Variants in BCAS4 observed in about 807,000 individuals in gnomAD.
BCAS4 encodes the protein breast carcinoma amplified sequence 4.
In BCAS4, 9 loss-of-function variants were observed where a neutral mutation model predicts 15.7. The observed-to-expected ratio is 0.57, with a 90% confidence interval of 0.34 to 1.00. BCAS4 has a LOEUF of 1.00. Among genes scored for constraint, BCAS4 ranks in the 50% least tolerant of loss-of-function variants. The pLI is 0.02. For missense variants in BCAS4, 225 were observed against 239.1 expected (o/e 0.94, Z 0.39); for synonymous variants, 101 against 99.5 (o/e 1.02, Z -0.09).
intron 4 of BCAS4, among the ~76,000 whole-genome samples, chr20:50,875,030 C>G (rs547157376): frequency 6.6e-6 from 1 of 152,180 alleles, no homozygotes; most frequent in Admixed American, 6.5e-5. Context: ...AGCAGTAGCC[C>G]GGGAGCCCTC....
At chr20:50,859,286 G>A (rs1246371146) in intron 4 of BCAS4, among the ~76,000 whole-genome samples, 2 of 152,190 alleles carry the variant, frequency 1.3e-5, no homozygotes, top group African/African-American at 2.4e-5. Context: ...ACGCATGGAT[G>A]TGGAACCCAC....
At chr20:50,860,771 G>A (rs760943225) in intron 4 of BCAS4, among the ~76,000 whole-genome samples, 5 of 152,182 alleles carry the variant, frequency 3.3e-5, no homozygotes, top group African/African-American at 7.2e-5. Context: ...AGCTACTCAG[G>A]AGGCTGAGGC....
chr20:50,803,801 CAAAAA>C (rs77271343), intron 1 of BCAS4, among the ~76,000 whole-genome samples: 3 of 91,002 alleles, frequency 3.3e-5, no homozygotes, highest in Admixed American at 1.3e-4. Flanking sequence ...ACTAGACTCC[CAAAAA>C]AAAAAAAAAA....
At chr20:50,855,349 C>T (rs1479948868) in intron 4 of BCAS4, among the ~76,000 whole-genome samples, 1 of 152,152 alleles carries the variant, frequency 6.6e-6, no homozygotes, top group African/African-American at 2.4e-5. Context: ...CTTGTCTCTG[C>T]GTCTCTCCAT....
rs77977797 is a variant in BCAS4 at position 50,830,410 on chromosome 20, C to T, written c.264+30C>T. ...GTCTAGGCAAACGAAGGTTCTGAGG[C>T]TGTGGACTTGATCTTGCTTTTGCCT... On this transcript the variant is annotated intron_variant, in intron 3 of 4. Transcript: ENST00000371608. The T allele has an allele frequency of 5.1e-3, 7,991 of 1,571,042 alleles. 380 individuals carry two copies. In the African/African-American group the frequency reaches 0.098, roughly 19 times the overall value.
chr20:50,858,027 C>G (rs1457526247), intron 4 of BCAS4, among the ~76,000 whole-genome samples: 1 of 152,178 alleles, frequency 6.6e-6, no homozygotes, highest in Non-Finnish European at 1.5e-5. Context: ...GCCTGCTTGT[C>G]TGCTCCGGGA....
At chr20:50,810,343 GA>G (rs2088044568) in intron 1 of BCAS4, among the ~76,000 whole-genome samples, 1 of 151,986 alleles carries the variant, frequency 6.6e-6, no homozygotes, top group African/African-American at 2.4e-5. Flanking sequence ...GGAGTGGGAA[GA>G]ATTGGATCCC....
At chr20:50,881,154 A>G (rs1310536900), downstream of BCAS4, 1 of 152,128 alleles carries the variant, frequency 6.6e-6, no homozygotes, top group Non-Finnish European at 1.5e-5. Context: ...TGCTCGAGCC[A>G]GGGAACTTGA....
At chr20:50,873,860 G>A (rs143802503) in intron 4 of BCAS4, among the ~76,000 whole-genome samples, 9 of 152,356 alleles carry the variant, frequency 5.9e-5, no homozygotes, top group Non-Finnish European at 1.0e-4. Context: ...GGCCAGGTGC[G>A]TCACTTGTCC....
At chr20:50,844,070 G>C (rs1001514262) in intron 4 of BCAS4, among the ~76,000 whole-genome samples, 1 of 152,114 alleles carries the variant, frequency 6.6e-6, no homozygotes, top group Non-Finnish European at 1.5e-5. Flanking sequence ...CTTGAGCCTA[G>C]CCTGGGAGGT....
At chr20:50,866,597 A>G (rs569466590) in intron 4 of BCAS4, among the ~76,000 whole-genome samples, 2 of 152,352 alleles carry the variant, frequency 1.3e-5, no homozygotes, top group East Asian at 3.9e-4. Context: ...TGCTGACCAA[A>G]GGTGACCCGT....
At chr20:50,825,843 C>T (rs2088272027) in intron 2 of BCAS4, among the ~76,000 whole-genome samples, 2 of 152,120 alleles carry the variant, frequency 1.3e-5, no homozygotes, top group Admixed American at 1.3e-4. Flanking sequence ...TGCCACTGTA[C>T]TCCAGCCTGG....
upstream of BCAS4, chr20:50,794,986 C>G: frequency 2.4e-6 from 3 of 1,273,828 alleles, no homozygotes; most frequent in Non-Finnish European, 3.0e-6. Flanking sequence ...CCAGGCGGTC[C>G]GCGGGGCATG....
At chr20:50,795,784 A>ATT (rs1461093167) in intron 1 of BCAS4, among the ~76,000 whole-genome samples, 1 of 152,252 alleles carries the variant, frequency 6.6e-6, no homozygotes, top group African/African-American at 2.4e-5. Context: ...GTACAGGAGT[A>ATT]TTTAACATAA....
intron 3 of BCAS4, among the ~76,000 whole-genome samples, chr20:50,837,379 G>C (rs1308130503): frequency 2.0e-5 from 3 of 152,144 alleles, no homozygotes; most frequent in African/African-American, 7.2e-5. Context: ...TTGAGCGCAG[G>C]AGTTCAAGAT....
chr20:50,859,999 A>G (rs1042664196), intron 4 of BCAS4, among the ~76,000 whole-genome samples: 5 of 152,110 alleles, frequency 3.3e-5, no homozygotes, highest in Admixed American at 2.0e-4. Flanking sequence ...AGTTGGGCAT[A>G]GTAGCATATG....
At chr20:50,857,018 A>C (rs1011923593) in intron 4 of BCAS4, among the ~76,000 whole-genome samples, 1 of 152,272 alleles carries the variant, frequency 6.6e-6, no homozygotes, top group Non-Finnish European at 1.5e-5. Context: ...TTAAAATGCA[A>C]CATTATAACA....
At chr20:50,848,503 A>G (rs1481019820) in intron 4 of BCAS4, among the ~76,000 whole-genome samples, 4 of 152,174 alleles carry the variant, frequency 2.6e-5, no homozygotes, top group African/African-American at 7.2e-5. Context: ...GAGTGGAGAG[A>G]GAGAAGGTCT....
At chr20:50,818,709 T>C (rs1306855727) in intron 2 of BCAS4, among the ~76,000 whole-genome samples, 2 of 152,214 alleles carry the variant, frequency 1.3e-5, no homozygotes, top group Non-Finnish European at 2.9e-5. Context: ...AGGAGGAGCC[T>C]CTTGCCCAGG....
Sources: allele counts gnomAD v4.1 joint callset (sites outside exome capture counted in the v4.1 genomes callset), GRCh38; gene constraint gnomAD v4.1.1; transcripts MANE v1.5; gene names NCBI Gene and HGNC (gene_info 2026-07-23, HGNC 2026-07-21).